Variants in TMEM123 observed in about 807,000 individuals in gnomAD.
TMEM123 encodes transmembrane protein 123.
A neutral mutation model predicts 19.7 loss-of-function variants in TMEM123; 16 were observed. That is an observed-to-expected ratio of 0.81 (90% CI 0.55 to 1.23). The LOEUF (loss-of-function observed/expected upper bound fraction) is 1.23. TMEM123 is among the 50% of genes most tolerant of loss of function. TMEM123 has a pLI of 0.00. For missense variants in TMEM123, 313 were observed against 257.8 expected (o/e 1.21, Z -1.47); for synonymous variants, 118 against 99.4 (o/e 1.19, Z -1.12).
intron 1 of TMEM123, chr11:102,451,127 GAACA>G (rs1857934615): frequency 6.6e-6 from 1 of 152,128 alleles, no homozygotes; most frequent in South Asian, 2.1e-4. Context: ...GTAATAAACA[GAACA>G]AACAGTGCTA....
chr11:102,444,257 T>C (rs1012103853), intron 2 of TMEM123, among the ~76,000 whole-genome samples: 6 of 152,234 alleles, frequency 3.9e-5, no homozygotes, highest in African/African-American at 7.2e-5. Context: ...CGTGTGTTTA[T>C]TGTGGCACTA....
At chr11:102,442,907 C>G (rs552007541) in intron 2 of TMEM123, among the ~76,000 whole-genome samples, 1 of 152,250 alleles carries the variant, frequency 6.6e-6, no homozygotes, top group South Asian at 2.1e-4. Flanking sequence ...CAATAAAAGA[C>G]AAACAGAGAG....
At chr11:102,441,793 T>C (rs1204120590) in intron 2 of TMEM123, among the ~76,000 whole-genome samples, 8 of 148,922 alleles carry the variant, frequency 5.4e-5, no homozygotes, top group Admixed American at 2.7e-4. Flanking sequence ...ACAAAATTGA[T>C]AGACCACTAG....
chr11:102,436,590 C>T (rs1857765315), intron 2 of TMEM123, among the ~76,000 whole-genome samples: 1 of 151,890 alleles, frequency 6.6e-6, no homozygotes, highest in South Asian at 2.1e-4. Context: ...AGATGAAGAG[C>T]CATGCAGTTA....
At chr11:102,405,888 T>C (rs1407920003) in intron 2 of TMEM123, among the ~76,000 whole-genome samples, 1 of 152,224 alleles carries the variant, frequency 6.6e-6, no homozygotes, top group Non-Finnish European at 1.5e-5. Flanking sequence ...AAAAGGAAAT[T>C]TTGCATTAAA....
chr11:102,422,985 C>G (rs1335404002), intron 2 of TMEM123, among the ~76,000 whole-genome samples: 9 of 152,188 alleles, frequency 5.9e-5, no homozygotes, highest in Non-Finnish European at 1.3e-4. Flanking sequence ...AGAGCTACCT[C>G]TCAGGCCCTC....
At position 102,445,256 on chromosome 11, in the gene TMEM123, G is replaced by A. The variant is rs141644917; in HGVS notation, c.157+3556C>T. On this transcript the variant is annotated intron_variant, in intron 2 of 4. Coordinates refer to ENST00000398136, the MANE Select transcript of TMEM123 (RefSeq NM_052932.3). ...TTCTGAGGAGTTGAAGCAGTTAAGTGTACTATGAATTCTTTAGTTAGAAAA... is the reference window on the plus strand; with the variant it reads ...TTCTGAGGAGTTGAAGCAGTTAAGTATACTATGAATTCTTTAGTTAGAAAA... Among the ~76,000 whole-genome samples the A allele has an allele frequency of 2.3e-3, 345 of 152,336 alleles. 2 individuals carry two copies. The highest frequency in any genetic ancestry group is 8.0e-3 in the African/African-American group (331 of 41,578).
At chr11:102,408,424 T>C (rs1455254235) in intron 2 of TMEM123, among the ~76,000 whole-genome samples, 1 of 152,258 alleles carries the variant, frequency 6.6e-6, no homozygotes, top group Non-Finnish European at 1.5e-5. Flanking sequence ...CTGGTAATGT[T>C]ACCTAGGCAT....
chr11:102,444,713 T>G (rs529134016), intron 2 of TMEM123, among the ~76,000 whole-genome samples: 5 of 151,958 alleles, frequency 3.3e-5, no homozygotes, highest in African/African-American at 4.8e-5. Flanking sequence ...AAAAGATACA[T>G]GCACACACAT....
At chr11:102,445,331 ATGTCTCTCTG>A (rs1362818665) in intron 2 of TMEM123, among the ~76,000 whole-genome samples, 3 of 148,134 alleles carry the variant, frequency 2.0e-5, no homozygotes, top group Non-Finnish European at 4.5e-5. Flanking sequence ...TGATATCTCT[ATGTCTCTCTG>A]TGTATCTATC....
chr11:102,402,257 A>C (rs561417777), intron 2 of TMEM123, 51 bp from the exon 3 acceptor site: 1 of 1,568,340 alleles, frequency 6.4e-7, no homozygotes, highest in Admixed American at 1.8e-5. Context: ...TTAGGGAATA[A>C]GATCCCATTT....
intron 2 of TMEM123, among the ~76,000 whole-genome samples, chr11:102,447,623 A>T (rs1857897624): frequency 6.6e-6 from 1 of 152,208 alleles, no homozygotes. Flanking sequence ...GGACAAAAGG[A>T]AAAGCTATCT....
In TMEM123 at chr11:102,398,119, C is replaced by CTTTAAAA. The variant is rs1951877016; in HGVS notation, c.*741_*747dup. ...GATTATTTAATACTGACAACTAAGT[C>CTTTAAAA]TTTAAAACATTATTATGTTAAACAC... On this transcript the variant is annotated 3_prime_UTR_variant, in exon 5 of 5. Coordinates refer to ENST00000398136, the MANE Select transcript of TMEM123 (RefSeq NM_052932.3). 1 of 152,820 alleles carries CTTTAAAA rather than the reference C, an allele frequency of 6.5e-6. No individual in the cohort carries two copies. Among genetic ancestry groups the CTTTAAAA allele is most frequent in the Non-Finnish European group, 1.5e-5 (1 of 68,534 alleles). The allele number at this position is 152,820 out of a possible 1,614,324, so 9.5% of individuals were successfully genotyped here.
At chr11:102,403,798 CTG>C in intron 2 of TMEM123, among the ~76,000 whole-genome samples, 1 of 152,278 alleles carries the variant, frequency 6.6e-6, no homozygotes, top group South Asian at 2.1e-4. Context: ...TCTGGCAAAA[CTG>C]GATCAGTTCC....
At chr11:102,440,681 T>C (rs530818419) in intron 2 of TMEM123, among the ~76,000 whole-genome samples, 1 of 152,272 alleles carries the variant, frequency 6.6e-6, no homozygotes, top group African/African-American at 2.4e-5. Context: ...AATGACAGGA[T>C]CAAATCACAC....
intron 2 of TMEM123, among the ~76,000 whole-genome samples, chr11:102,434,884 A>C (rs912838272): frequency 4.6e-5 from 7 of 151,902 alleles, no homozygotes; most frequent in Non-Finnish European, 1.0e-4. Context: ...TTTTGTCTGA[A>C]ATCAACTGGC....
At chr11:102,451,442 T>C (rs1857937900) in intron 1 of TMEM123, among the ~76,000 whole-genome samples, 1 of 152,146 alleles carries the variant, frequency 6.6e-6, no homozygotes, top group South Asian at 2.1e-4. Context: ...CAAAGAAAAA[T>C]TGTTAATTCA....
chr11:102,408,948 G>A (rs1951979156), intron 2 of TMEM123, among the ~76,000 whole-genome samples: 1 of 152,096 alleles, frequency 6.6e-6, no homozygotes, highest in Non-Finnish European at 1.5e-5. Context: ...CTCAAAGTCT[G>A]GATTCATTCC....
intron 2 of TMEM123, among the ~76,000 whole-genome samples, chr11:102,425,195 G>T (rs756615699): frequency 3.3e-5 from 5 of 152,182 alleles, no homozygotes; most frequent in African/African-American, 7.2e-5. Flanking sequence ...CATCTTCTGT[G>T]TAGCTCTTTT....
Sources: gnomAD v4.1 joint callset for allele counts (sites outside exome capture counted in the v4.1 genomes callset) on GRCh38, gnomAD v4.1.1 for gene constraint, MANE v1.5 for transcripts, NCBI Gene and HGNC (gene_info 2026-07-23, HGNC 2026-07-21) for gene names.